The following SNRPF variants were observed in gnomAD, a reference collection of about 807,000 sequenced individuals.
SNRPF encodes small nuclear ribonucleoprotein F.
A neutral mutation model predicts 13.4 loss-of-function variants in SNRPF; 1 was observed. That is an observed-to-expected ratio of 0.07 (90% confidence interval 0.03 to 0.35). The LOEUF (loss-of-function observed/expected upper bound fraction) is 0.35. Ranked by LOEUF, SNRPF falls within the 10% of genes least tolerant of loss-of-function variation. SNRPF has a pLI of 0.99. For missense variants in SNRPF, 53 were observed against 101.0 expected, an observed-to-expected ratio of 0.52 and a Z score of 2.04; for synonymous variants, 27 against 32.1, an observed-to-expected ratio of 0.84 and a Z score of 0.54.
At chr12:95,862,055 G>C (rs887745241) in intron 2 of SNRPF, among the ~76,000 whole-genome samples, 2 of 151,944 alleles carry the variant, frequency 1.3e-5, no homozygotes, top group Non-Finnish European at 2.9e-5. Flanking sequence ...CTAACCCCTG[G>C]TAACCACTAG....
At chr12:95,859,696 G>C (rs2079485424) in intron 1 of SNRPF, among the ~76,000 whole-genome samples, 1 of 152,160 alleles carries the variant, frequency 6.6e-6, no homozygotes, top group African/African-American at 2.4e-5. Flanking sequence ...CGGAAAGAAA[G>C]CTTGGTCATT....
chr12:95,860,948 T>C, intron 1 of SNRPF, among the ~76,000 whole-genome samples: 1 of 149,042 alleles, frequency 6.7e-6, no homozygotes, highest in East Asian at 2.0e-4. Flanking sequence ...AAGTGAATAG[T>C]CAGTGTTTTG....
rs2079520361 is a variant in SNRPF, at chr12:95,866,139, G to C, written c.*68G>C. ...TAAAGATTTGTTTGTTTTTCAACTT[G>C]ACTTGTGAACTATTTGTATTCAGAT... On this transcript the variant is annotated 3_prime_UTR_variant, in exon 4 of 4. Transcript: ENST00000266735. 5.0e-6 allele frequency: 4 copies of C among 801,896 alleles called. No homozygotes were observed. In the East Asian group the frequency reaches 1.1e-4, roughly 23 times the overall value. The allele number at this position is 801,896 out of a possible 1,614,324, so 49.7% of individuals were successfully genotyped here. A position where few individuals can be genotyped will look rare whatever the true frequency, so the allele number is the denominator to read the frequency against.
intron 1 of SNRPF, among the ~76,000 whole-genome samples, chr12:95,860,461 C>T (rs1449213871): frequency 6.6e-6 from 1 of 152,170 alleles, no homozygotes; most frequent in African/African-American, 2.4e-5. Flanking sequence ...ACCCTTGTGC[C>T]TAGTATATCT....
intron 1 of SNRPF, 149 bp downstream of exon 1, chr12:95,859,225 A>AG (rs11442183): frequency 0.8 from 568,241 of 714,302 alleles, 228,971 homozygotes; most frequent in African/African-American, 0.88. Flanking sequence ...CTCTGCTTTT[A>AG]GGTTTCTGAG....
At chr12:95,859,256 C>T (rs941751907) in intron 1 of SNRPF, among the ~76,000 whole-genome samples, 180 bp downstream of exon 1, 1 of 152,212 alleles carries the variant, frequency 6.6e-6, no homozygotes, top group African/African-American at 2.4e-5. Flanking sequence ...CTCCCGATGC[C>T]TTTCTTTTCC....
chr12:95,865,975 A>T, intron 3 of SNRPF, 30 bp from the exon 4 acceptor site: 1 of 1,045,874 alleles, frequency 9.6e-7, no homozygotes, highest in Non-Finnish European at 1.5e-6. Context: ...TTCTGGTTGG[A>T]ACAACAAAAT....
At chr12:95,865,896 CAA>C (rs1327442760) in intron 3 of SNRPF, 107 bp from the exon 4 acceptor site, 6 of 439,470 alleles carry the variant, frequency 1.4e-5, no homozygotes, top group Admixed American at 1.2e-4. Flanking sequence ...TTTTTAAAGA[CAA>C]GAATATTATA....
chr12:95,859,999 A>C (rs1287295707), intron 1 of SNRPF, among the ~76,000 whole-genome samples: 1 of 152,188 alleles, frequency 6.6e-6, no homozygotes, highest in Non-Finnish European at 1.5e-5. Context: ...ATCACTCCGA[A>C]TATGCTCATG....
At chr12:95,861,145 A>G (rs1477656360) in intron 1 of SNRPF, 23 bp from the exon 2 acceptor site, 1 of 1,591,762 alleles carries the variant, frequency 6.3e-7, no homozygotes, top group East Asian at 2.3e-5. Context: ...AATTAATTAG[A>G]TCCTTTTTTG....
intron 3 of SNRPF, 92 bp from the exon 4 acceptor site, chr12:95,865,913 T>C (rs902874507): frequency 2.3e-5 from 12 of 525,836 alleles, no homozygotes; most frequent in African/African-American, 4.1e-5. Flanking sequence ...ATTATAAATA[T>C]AGTATTCAGT....
Position 95,861,318 on chromosome 12 carries a change from A to G in SNRPF, c.129+25A>G, listed in dbSNP as rs746161329. Reference sequence around the variant, plus strand: ...GGTAAGCTAAAGAGCTGTAAAGGTCATAACATTGCATTTATTTTGCTTCAC... The same window carrying G: ...GGTAAGCTAAAGAGCTGTAAAGGTCGTAACATTGCATTTATTTTGCTTCAC... On this transcript the variant is annotated intron_variant, in intron 2 of 3. Coordinates refer to ENST00000266735, the MANE Select transcript of SNRPF (RefSeq NM_003095.5). 6.3e-6 allele frequency: 10 copies of G among 1,595,524 alleles called. No homozygotes were observed. In the African/African-American group the frequency reaches 8.1e-5, roughly 13 times the overall value.
intron 1 of SNRPF, among the ~76,000 whole-genome samples, chr12:95,859,499 T>G (rs2079483818): frequency 6.6e-6 from 1 of 152,146 alleles, no homozygotes; most frequent in East Asian, 1.9e-4. Flanking sequence ...TTGCAAATAA[T>G]AAGTGCTAAG....
chr12:95,860,410 A>G (rs571429557), intron 1 of SNRPF, among the ~76,000 whole-genome samples: 1 of 152,260 alleles, frequency 6.6e-6, no homozygotes, highest in South Asian at 2.1e-4. Context: ...GGTATTACTT[A>G]TTTCAGGCAA....
chr12:95,865,427 G>A (rs561137837), intron 3 of SNRPF, 39 bp downstream of exon 3: 17 of 945,190 alleles, frequency 1.8e-5, no homozygotes, highest in African/African-American at 8.1e-5. Flanking sequence ...AGTTACTGGT[G>A]AGCATTAGGA....
intron 2 of SNRPF, among the ~76,000 whole-genome samples, chr12:95,862,158 G>A (rs1032027537): frequency 2.0e-5 from 3 of 152,112 alleles, no homozygotes; most frequent in Non-Finnish European, 4.4e-5. Flanking sequence ...ACTTAACGTA[G>A]TGTATTATTC....
chr12:95,865,201 A>G (rs2079514910), intron 2 of SNRPF, 123 bp from the exon 3 acceptor site: 2 of 450,722 alleles, frequency 4.4e-6, no homozygotes, highest in South Asian at 1.2e-4. Context: ...TTTATTAATT[A>G]TAGATAAATT....
At chr12:95,862,857 G>T (rs2079502624) in intron 2 of SNRPF, among the ~76,000 whole-genome samples, 1 of 152,098 alleles carries the variant, frequency 6.6e-6, no homozygotes, top group Non-Finnish European at 1.5e-5. Flanking sequence ...TATTCTAATG[G>T]GTGTGAAGTG....
chr12:95,860,251 A>G (rs2079488821), intron 1 of SNRPF, among the ~76,000 whole-genome samples: 1 of 152,156 alleles, frequency 6.6e-6, no homozygotes, highest in African/African-American at 2.4e-5. Context: ...GTAGTTTTAT[A>G]TTTGGGGCTT....
Sources: allele counts gnomAD v4.1 joint callset (sites outside exome capture counted in the v4.1 genomes callset), GRCh38; gene constraint gnomAD v4.1.1; transcripts MANE v1.5; gene names NCBI Gene and HGNC (gene_info 2026-07-23, HGNC 2026-07-21).